Variants in SCD observed in about 807,000 individuals in gnomAD.
SCD encodes stearoyl-CoA desaturase.
Under a neutral mutation model 35.7 loss-of-function variants are expected in SCD, and 4 were observed. The observed-to-expected ratio is 0.11, with a 90% CI of 0.06 to 0.26. The LOEUF (loss-of-function observed/expected upper bound fraction) is 0.26, where lower values mean the gene tolerates loss of function less well. SCD is among the 10% of genes least tolerant of loss of function. The pLI is 1.00. For synonymous variants in SCD, 150 were observed against 170.2 expected, an observed-to-expected ratio of 0.88 and a Z score of 0.92; for missense variants, 282 against 460.7, an observed-to-expected ratio of 0.61 and a Z score of 3.55.
chr10:100,348,705 T>C (rs541865044), intron 2 of SCD, among the ~76,000 whole-genome samples: 1 of 152,146 alleles, frequency 6.6e-6, no homozygotes, highest in Non-Finnish European at 1.5e-5. Flanking sequence ...CTGGGAGGCA[T>C]GGGAACATGG....
chr10:100,362,430 C>G lies in SCD; in HGVS notation c.*1497C>G, dbSNP rs10883465. 35,617 of 152,018 alleles carry G rather than the reference C, an allele frequency of 0.23. 4,893 individuals are homozygous for G. The highest frequency in any genetic ancestry group is 0.37 in the African/African-American group (15,172 of 41,428). 9.4% of individuals were successfully genotyped at this position (152,018 alleles called of 1,614,324 possible). A position where few individuals can be genotyped will look rare whatever the true frequency, so the allele number is the denominator to read the frequency against. On this transcript the variant is annotated 3_prime_UTR_variant, in exon 6 of 6. Coordinates refer to ENST00000370355, the MANE Select transcript of SCD (RefSeq NM_005063.5). ...CTGTTAACATCTAGCCTAAAGTATA[C>G]AACTGCCTGGGGGGCAGGGTTAGGA...
At chr10:100,349,672 G>A (rs1411970491) in intron 2 of SCD, among the ~76,000 whole-genome samples, 1 of 152,174 alleles carries the variant, frequency 6.6e-6, no homozygotes, top group Non-Finnish European at 1.5e-5. Flanking sequence ...GATGGGGAAG[G>A]TAGCATTCCT....
intron 5 of SCD, among the ~76,000 whole-genome samples, chr10:100,358,465 G>C (rs1013228567): frequency 4.0e-5 from 6 of 151,754 alleles, no homozygotes; most frequent in Admixed American, 2.6e-4. Flanking sequence ...AGTGGCGGGC[G>C]CCTGTAGTCC....
intron 3 of SCD, among the ~76,000 whole-genome samples, chr10:100,353,869 G>T (rs1849897481): frequency 6.6e-6 from 1 of 152,226 alleles, no homozygotes; most frequent in South Asian, 2.1e-4. Context: ...TTCTTTAAGG[G>T]ATGGAAAAAG....
chr10:100,357,099 A>C (rs1432933868), intron 5 of SCD, among the ~76,000 whole-genome samples: 1 of 152,216 alleles, frequency 6.6e-6, no homozygotes, highest in Non-Finnish European at 1.5e-5. Context: ...AGGTCACCTG[A>C]GGTCAGGAGT....
At position 100,362,081 on chromosome 10, in the gene SCD, T is replaced by G. The variant is rs1849995399; in HGVS notation, c.*1148T>G. ...TATTTCCCTTCCAAAGAGGGATGTT[T>G]GGAAAAAACTCTGAAGGAGAGGAGG... On this transcript the variant is annotated 3_prime_UTR_variant, in exon 6 of 6. Coordinates refer to ENST00000370355, the MANE Select transcript of SCD (RefSeq NM_005063.5). 6.6e-6 allele frequency: 1 copy of G among 152,156 alleles called. No individual in the cohort carries two copies. Among genetic ancestry groups the G allele is most frequent in the Admixed American group, 6.6e-5 (1 of 15,266 alleles). 9.4% of individuals were successfully genotyped at this position (152,156 alleles called of 1,614,324 possible).
intron 2 of SCD, among the ~76,000 whole-genome samples, chr10:100,349,068 C>G (rs531815566): frequency 6.6e-6 from 1 of 152,214 alleles, no homozygotes; most frequent in African/African-American, 2.4e-5. Context: ...TTCAGGCCCC[C>G]CTACTGATGC....
intron 4 of SCD, 67 bp downstream of exon 4, chr10:100,354,699 T>C (rs1458539135): frequency 1.6e-6 from 2 of 1,247,586 alleles, no homozygotes; most frequent in Non-Finnish European, 2.3e-6. Flanking sequence ...CCCCATTTTT[T>C]CTCCTGAGAC....
chr10:100,347,489 G>A lies in SCD; in HGVS notation c.-16G>A. 1.2e-6 allele frequency: 2 copies of A among 1,613,792 alleles called. No homozygotes were observed. Among genetic ancestry groups the A allele is most frequent in the African/African-American group, 1.3e-5 (1 of 75,050 alleles). On this transcript the variant is annotated 5_prime_UTR_variant, in exon 1 of 6. Transcript: ENST00000370355. ...CTCAGCCCCCTGGAAAGTGATCCCGGCATCCGAGAGCCAAGATGCCGGCCC... is the reference window on the plus strand; with the variant it reads ...CTCAGCCCCCTGGAAAGTGATCCCGACATCCGAGAGCCAAGATGCCGGCCC...
At chr10:100,357,949 C>T (rs562413514) in intron 5 of SCD, among the ~76,000 whole-genome samples, 1 of 152,290 alleles carries the variant, frequency 6.6e-6, no homozygotes, top group South Asian at 2.1e-4. Flanking sequence ...CACTCATTTT[C>T]TTTTTCTCTT....
Position 100,360,837 on chromosome 10 carries a change from C to T in SCD, c.984C>T (p.Ala328=), listed in dbSNP as rs530826252. 16 of 1,613,986 alleles carry T rather than the reference C, an allele frequency of 9.9e-6. No homozygotes were observed. Among genetic ancestry groups the T allele is most frequent in the African/African-American group, 2.7e-5 (2 of 75,042 alleles). Residue 328 remains alanine, a synonymous_variant, in exon 6 of 6, where the codon GCC becomes GCT. Coordinates refer to ENST00000370355, the MANE Select transcript of SCD (RefSeq NM_005063.5). ...NFTTFFIDCM[A]ALGLAYDRKK... ...CCACATTCTTCATTGATTGCATGGC[C>T]GCCCTCGGTCTGGCCTATGACCGGA...
chr10:100,364,255 G>A lies in SCD; in HGVS notation c.*3322G>A, dbSNP rs1016593883. ...CATCATGAAAGGTTAAAAAAGCGAGGTGGCCATGTTATGCTGGTGGTTAAG... is the reference window on the plus strand; with the variant it reads ...CATCATGAAAGGTTAAAAAAGCGAGATGGCCATGTTATGCTGGTGGTTAAG... On this transcript the variant is annotated 3_prime_UTR_variant, in exon 6 of 6. Transcript: ENST00000370355. The A allele has an allele frequency of 3.3e-5, 5 of 152,158 alleles. No homozygotes were observed. The highest frequency in any genetic ancestry group is 4.8e-5 in the African/African-American group (2 of 41,374). The allele number at this position is 152,158 out of a possible 1,614,324, so 9.4% of individuals were successfully genotyped here.
chr10:100,353,675 A>G (rs1467963272), intron 3 of SCD, among the ~76,000 whole-genome samples: 2 of 152,200 alleles, frequency 1.3e-5, no homozygotes, highest in Non-Finnish European at 2.9e-5. Context: ...AGCAATGGGC[A>G]AATGATAGCA....
intron 5 of SCD, among the ~76,000 whole-genome samples, chr10:100,359,490 A>G (rs1360718574): frequency 6.6e-6 from 1 of 152,028 alleles, no homozygotes; most frequent in Non-Finnish European, 1.5e-5. Context: ...TGGTAACCAA[A>G]GGCCTGGCTA....
In SCD at chr10:100,352,282, T is replaced by C; in HGVS notation, c.311-84T>C. On this transcript the variant is annotated intron_variant, in intron 2 of 5. Coordinates refer to ENST00000370355, the MANE Select transcript of SCD (RefSeq NM_005063.5). This position sits in a 1 kb window ranked among gnomAD's most constrained non-coding sequence, Gnocchi z 4.2. ...CCCAAAGCCTGACGAAGACAGTTTCTAGCATCCAGAGAGTGTCTCTGGCAT... is the reference window on the plus strand; with the variant it reads ...CCCAAAGCCTGACGAAGACAGTTTCCAGCATCCAGAGAGTGTCTCTGGCAT... 1 of 1,416,068 alleles carries C rather than the reference T, an allele frequency of 7.1e-7. No homozygotes were observed. The highest frequency in any genetic ancestry group is 9.7e-7 in the Non-Finnish European group (1 of 1,026,838). The allele number at this position is 1,416,068 out of a possible 1,614,324, so 87.7% of individuals were successfully genotyped here.
chr10:100,357,036 G>A lies in SCD; in HGVS notation c.880+272G>A, dbSNP rs12571042. ...AATTTCCAAATGCCATGTATGCTCC[G>A]GGCCCGGCGGCTCATGCCTGTAATC... On this transcript the variant is annotated intron_variant, in intron 5 of 5. Coordinates refer to ENST00000370355, the MANE Select transcript of SCD (RefSeq NM_005063.5). Among the ~76,000 whole-genome samples, 10 of 152,230 alleles carry A rather than the reference G, an allele frequency of 6.6e-5. No homozygotes were observed. The East Asian group carries it at 1.5e-3, about 23-fold the overall frequency.
At chr10:100,348,417 T>TA in intron 2 of SCD, 71 bp downstream of exon 2, 1 of 1,461,796 alleles carries the variant, frequency 6.8e-7, no homozygotes, top group Non-Finnish European at 9.3e-7. Flanking sequence ...GGTAGGATCT[T>TA]ACAGAGGACA....
Position 100,361,072 on chromosome 10 carries a change from T to C in SCD, c.*139T>C. The C allele has an allele frequency of 1.4e-6, 1 of 737,954 alleles. No homozygotes were observed. The highest frequency in any genetic ancestry group is 2.2e-6 in the Non-Finnish European group (1 of 462,070). 45.7% of individuals were successfully genotyped at this position (737,954 alleles called of 1,614,324 possible). Reference sequence around the variant, plus strand: ...ATTCCAGTACAGTATTCTTTTAAAATTCAAAAGTATTGAAAGCCAACAACT... The same window carrying C: ...ATTCCAGTACAGTATTCTTTTAAAACTCAAAAGTATTGAAAGCCAACAACT... On this transcript the variant is annotated 3_prime_UTR_variant, in exon 6 of 6. Coordinates refer to ENST00000370355, the MANE Select transcript of SCD (RefSeq NM_005063.5).
chr10:100,358,709 G>T (rs1354813570), intron 5 of SCD, among the ~76,000 whole-genome samples: 1 of 138,828 alleles, frequency 7.2e-6, no homozygotes, highest in Non-Finnish European at 1.5e-5. Flanking sequence ...AGGAGTTAGA[G>T]ATCAGCCAGG....
Sources: gnomAD v4.1 joint callset for allele counts (sites outside exome capture counted in the v4.1 genomes callset) on GRCh38, gnomAD v4.1.1 for gene constraint, Gnocchi (gnomAD v3.1) non-coding constraint, MANE v1.5 for transcripts, NCBI Gene and HGNC (gene_info 2026-07-23, HGNC 2026-07-21) for gene names.